The following MYLK variants were observed in gnomAD, a reference collection of about 807,000 sequenced individuals.
MYLK encodes the protein myosin light chain kinase.
A neutral mutation model predicts 203.4 loss-of-function variants in MYLK; 106 were observed. That is an observed-to-expected ratio of 0.52 (90% CI 0.45 to 0.61). MYLK has a LOEUF of 0.61. Ranked by LOEUF, MYLK falls within the 20% of genes least tolerant of loss-of-function variation. The probability of loss-of-function intolerance (pLI) is 0.00; values close to 1 mark genes in which losing one functional copy is unlikely to be tolerated. For synonymous variants in MYLK, 867 were observed against 959.5 expected, an observed-to-expected ratio of 0.90 and a Z score of 1.78; for missense variants, 2,072 against 2,442.3, an observed-to-expected ratio of 0.85 and a Z score of 3.20.
intron 4 of MYLK, among the ~76,000 whole-genome samples, chr3:123,766,088 T>C (rs538477476): frequency 4.8e-4 from 73 of 152,362 alleles, no homozygotes; most frequent in Non-Finnish European, 8.1e-4. Context: ...CATGTGTATT[T>C]ACCACAATAA....
intron 24 of MYLK, among the ~76,000 whole-genome samples, chr3:123,655,857 G>A (rs1158431031): frequency 2.0e-5 from 3 of 152,206 alleles, no homozygotes; most frequent in Admixed American, 1.3e-4. Context: ...TTAACACATC[G>A]TAAGCTTAGA....
chr3:123,786,365 C>T (rs1183713861), intron 4 of MYLK, among the ~76,000 whole-genome samples: 1 of 150,918 alleles, frequency 6.6e-6, no homozygotes, highest in Non-Finnish European at 1.5e-5. Context: ...GTATTATAGG[C>T]GTTCAGAGAA....
intron 2 of MYLK, among the ~76,000 whole-genome samples, chr3:123,872,269 A>G (rs1264238847): frequency 6.6e-6 from 1 of 152,190 alleles, no homozygotes; most frequent in Non-Finnish European, 1.5e-5. Flanking sequence ...AATATTTGTT[A>G]TCTGGCTATT....
chr3:123,631,878 T>TC (rs1325244947), intron 29 of MYLK, among the ~76,000 whole-genome samples: 3 of 151,436 alleles, frequency 2.0e-5, no homozygotes, highest in East Asian at 3.9e-4. Flanking sequence ...TTTTTCTTTT[T>TC]TTTTTTTTTG....
Position 123,700,153 on chromosome 3 carries a change from T to C in MYLK, c.3315A>G (p.Gln1105=), listed in dbSNP as rs1576620303. The C allele has an allele frequency of 6.2e-7, 1 of 1,613,856 alleles. No individual in the cohort carries two copies. Residue 1105 remains glutamine, a synonymous_variant, in exon 18 of 34, where the codon CAA becomes CAG. Coordinates refer to ENST00000360304, the MANE Select transcript of MYLK (RefSeq NM_053025.4). The stretch of plus-strand genomic sequence containing the variant: ...TCTTGCCCTCTGCCACATGAACATC[T>C]TGCAGCTTCTGCTTGAAGGCTGGGG... ...GTAPAFKQKL[Q]DVHVAEGKKL...
intron 2 of MYLK, among the ~76,000 whole-genome samples, chr3:123,843,266 T>A (rs1026065550): frequency 6.6e-6 from 1 of 152,132 alleles, no homozygotes; most frequent in Non-Finnish European, 1.5e-5. Context: ...GGAGAAATAA[T>A]CATATATTTT....
At chr3:123,731,990 C>CT (rs59910858) in intron 11 of MYLK, among the ~76,000 whole-genome samples, 33 of 124,808 alleles carry the variant, frequency 2.6e-4, no homozygotes, top group African/African-American at 7.7e-4. Context: ...TATAGGTTGT[C>CT]TTTTTTTTTT....
At chr3:123,637,988 G>A in intron 29 of MYLK, 83 bp downstream of exon 29, 3 of 1,594,414 alleles carry the variant, frequency 1.9e-6, no homozygotes, top group Non-Finnish European at 2.6e-6. Flanking sequence ...AGGGCAGCCT[G>A]GGGACCCTCC....
intron 2 of MYLK, among the ~76,000 whole-genome samples, chr3:123,840,581 A>G (rs534209705): frequency 6.6e-6 from 1 of 151,854 alleles, no homozygotes; most frequent in Admixed American, 6.6e-5. Flanking sequence ...ATTACTTGAT[A>G]TGAAAATAAG....
At chr3:123,878,418 G>A (rs537657891) in intron 1 of MYLK, among the ~76,000 whole-genome samples, 3 of 152,290 alleles carry the variant, frequency 2.0e-5, no homozygotes, top group Admixed American at 1.3e-4. Flanking sequence ...CCCAGGAAAG[G>A]GGAACAGCAC....
At chr3:123,806,955 G>T (rs780849788) in intron 3 of MYLK, among the ~76,000 whole-genome samples, 1 of 150,836 alleles carries the variant, frequency 6.6e-6, no homozygotes, top group African/African-American at 2.4e-5. Flanking sequence ...GTGAACCACC[G>T]TGCCTGGCCA....
chr3:123,831,539 T>C lies in MYLK; in HGVS notation c.-4+9A>G. 3 of 684,840 alleles carry C rather than the reference T, an allele frequency of 4.4e-6. No homozygotes were observed. The highest frequency in any genetic ancestry group is 6.2e-6 in the Non-Finnish European group (3 of 486,776). 42.4% of individuals were successfully genotyped at this position (684,840 alleles called of 1,614,324 possible). Reference sequence around the variant, plus strand: ...GGTCAACAGCATAATGTAAACTCTGTTCACTCACCACCGTCTTCTCTGTTG... The same window carrying C: ...GGTCAACAGCATAATGTAAACTCTGCTCACTCACCACCGTCTTCTCTGTTG... On this transcript the variant is annotated intron_variant, in intron 3 of 33. Coordinates refer to ENST00000360304, the MANE Select transcript of MYLK (RefSeq NM_053025.4).
chr3:123,676,043 G>A (rs1007499233), intron 20 of MYLK, among the ~76,000 whole-genome samples: 7 of 152,266 alleles, frequency 4.6e-5, no homozygotes, highest in Non-Finnish European at 1.0e-4. Context: ...CAAACCCCCA[G>A]GACACAGAGC....
chr3:123,707,025 G>T (rs1481618737), intron 16 of MYLK, among the ~76,000 whole-genome samples: 1 of 152,184 alleles, frequency 6.6e-6, no homozygotes, highest in Admixed American at 6.5e-5. Flanking sequence ...GCTTCCAAGG[G>T]TAGGTCTTAA....
chr3:123,645,017 G>A (rs2058966048), intron 27 of MYLK, among the ~76,000 whole-genome samples: 1 of 152,168 alleles, frequency 6.6e-6, no homozygotes, highest in African/African-American at 2.4e-5. Context: ...TACTAGGGAG[G>A]ATTTGTTCCA....
intron 5 of MYLK, among the ~76,000 whole-genome samples, chr3:123,750,056 C>G (rs987060829): frequency 6.6e-6 from 1 of 152,210 alleles, no homozygotes; most frequent in African/African-American, 2.4e-5. Flanking sequence ...CAGAAGGGCC[C>G]AGAGTGGACT....
chr3:123,658,126 T>C (rs1487416008), intron 23 of MYLK, among the ~76,000 whole-genome samples: 2 of 152,270 alleles, frequency 1.3e-5, no homozygotes, highest in East Asian at 3.8e-4. Flanking sequence ...TCAAGATTAT[T>C]GTAGGAGTTT....
intron 5 of MYLK, among the ~76,000 whole-genome samples, chr3:123,751,672 T>C (rs762869489): frequency 1.3e-5 from 2 of 152,266 alleles, no homozygotes; most frequent in Non-Finnish European, 1.5e-5. Context: ...AGAAAGTCCA[T>C]CTCCTCCTAA....
At chr3:123,685,970 C>T (rs926351580) in intron 19 of MYLK, among the ~76,000 whole-genome samples, 9 of 152,304 alleles carry the variant, frequency 5.9e-5, no homozygotes, top group African/African-American at 9.6e-5. Flanking sequence ...AGTGTCAGCA[C>T]GGTGGGGCTG....
Sources: allele counts gnomAD v4.1 joint callset (sites outside exome capture counted in the v4.1 genomes callset), GRCh38; gene constraint gnomAD v4.1.1; transcripts MANE v1.5; gene names NCBI Gene and HGNC (gene_info 2026-07-23, HGNC 2026-07-21).